Variants in SLC11A2 observed in about 807,000 individuals in gnomAD.
SLC11A2 encodes natural resistance-associated macrophage protein 2.
Under a neutral mutation model 68.0 loss-of-function variants are expected in SLC11A2, and 38 were observed. The ratio of observed to expected loss-of-function variants is 0.56; its 90% confidence interval spans 0.43 to 0.73. SLC11A2 has a LOEUF of 0.73. Among genes scored for constraint, SLC11A2 ranks in the 30% least tolerant of loss-of-function variants. The pLI is 0.00. For synonymous variants in SLC11A2, 242 were observed against 250.6 expected (o/e 0.97, Z 0.32); for missense variants, 517 against 690.5 (o/e 0.75, Z 2.82).
chr12:51,028,192 G>C (rs1488233609), upstream of SLC11A2: 1 of 1,535,238 alleles, frequency 6.5e-7, no homozygotes, highest in African/African-American at 1.4e-5. Flanking sequence ...TCACAGTGTG[G>C]AGCTGCCTCC....
chr12:51,025,824 A>G, intron 1 of SLC11A2: 1 of 986,422 alleles, frequency 1.0e-6, no homozygotes, highest in Non-Finnish European at 1.2e-6. Context: ...CGCTCCCTGA[A>G]GTCGGTTAGG....
chr12:51,015,555 T>C (rs1450629420), intron 1 of SLC11A2, among the ~76,000 whole-genome samples: 1 of 150,976 alleles, frequency 6.6e-6, no homozygotes, highest in African/African-American at 2.4e-5. Context: ...ATGCACAGCA[T>C]TCAAGTCTCC....
rs1366487834 is a variant in SLC11A2 at position 50,986,798 on chromosome 12, A to T, written c.*1527T>A. 1 of 1,287,098 alleles carries T rather than the reference A, an allele frequency of 7.8e-7. No individual in the cohort carries two copies. The highest frequency in any genetic ancestry group is 1.0e-6 in the Non-Finnish European group (1 of 988,690). The allele number at this position is 1,287,098 out of a possible 1,614,324, so 79.7% of individuals were successfully genotyped here. A position where few individuals can be genotyped will look rare whatever the true frequency, so the allele number is the denominator to read the frequency against. ...AAATGTATGGTCAGTGAAACACAGT[A>T]GTGTACCCTTAAATGCCTTATAAAA... On this transcript the variant is annotated 3_prime_UTR_variant, in exon 16 of 16. Coordinates refer to ENST00000262052, the MANE Select transcript of SLC11A2 (RefSeq NM_000617.3).
chr12:51,023,649 T>C (rs1223348133), intron 1 of SLC11A2, among the ~76,000 whole-genome samples: 1 of 152,150 alleles, frequency 6.6e-6, no homozygotes, highest in African/African-American at 2.4e-5. Context: ...CACTCAGTTC[T>C]TTAAAGGTGT....
chr12:50,992,697 A>G, intron 12 of SLC11A2, 113 bp downstream of exon 12: 1 of 1,160,314 alleles, frequency 8.6e-7, no homozygotes, highest in Non-Finnish European at 1.3e-6. Flanking sequence ...ATGCCATTAC[A>G]CTCCAACTTG....
upstream of SLC11A2, chr12:51,028,176 C>T: frequency 2.6e-6 from 4 of 1,532,284 alleles, no homozygotes; most frequent in South Asian, 4.8e-5. Flanking sequence ...GGGCTACTTA[C>T]TTAGTTCACA....
Position 50,988,467 on chromosome 12 carries a change from G to T in SLC11A2, c.1576-32C>A, listed in dbSNP as rs1383545777. ...GACAAAATATGGTCATCACTCACCA[G>T]GCTCTTTGAAGAGCCATGACTGCTC... On this transcript the variant is annotated intron_variant, in intron 15 of 15. Coordinates refer to ENST00000262052, the MANE Select transcript of SLC11A2 (RefSeq NM_000617.3). 18 of 1,613,316 alleles carry T rather than the reference G, an allele frequency of 1.1e-5. 1 individual carries two copies. The highest frequency in any genetic ancestry group is 1.5e-5 in the Non-Finnish European group (18 of 1,179,662).
chr12:50,992,801 A>G lies in SLC11A2; in HGVS notation c.1197+9T>C, dbSNP rs762474862. 10 of 1,613,360 alleles carry G rather than the reference A, an allele frequency of 6.2e-6. No homozygotes were observed. The highest frequency in any genetic ancestry group is 7.6e-6 in the Non-Finnish European group (9 of 1,179,752). The stretch of plus-strand genomic sequence containing the variant: ...GTGTTATCTCCCTCTATCCTATACC[A>G]GCACGTACCTCCATGACAAACTGGC... On this transcript the variant is annotated intron_variant, in intron 12 of 15. Coordinates refer to ENST00000262052, the MANE Select transcript of SLC11A2 (RefSeq NM_000617.3).
rs1180752705 is a variant in SLC11A2, at chr12:51,008,617, A to C, written c.42T>G (p.Val14=). Reference sequence around the variant, plus strand: ...TGGCAGACTCCCCATGATCTCCAGAAACACTGTCTGAATTAACAGATTTGA... The same window carrying C: ...TGGCAGACTCCCCATGATCTCCAGACACACTGTCTGAATTAACAGATTTGA... ...GPEQKMSDDS[V]SGDHGESASL... The change falls in exon 3 of 16, where the codon GTT becomes GTG. Residue 14 remains valine (V), a synonymous_variant. Coordinates refer to ENST00000262052, the MANE Select transcript of SLC11A2 (RefSeq NM_000617.3). 6.2e-7 allele frequency: 1 copy of C among 1,611,928 alleles called. No individual in the cohort carries two copies. Among genetic ancestry groups the C allele is most frequent in the Non-Finnish European group, 8.5e-7 (1 of 1,178,026 alleles).
rs1388775569 is a variant in SLC11A2, at chr12:51,004,087, A to G, written c.429+701T>C. ...TTTTGATATAGGCATAAAATGTGTA[A>G]TAATCACATCAGAGTAAATGGGGAT... On this transcript the variant is annotated intron_variant, in intron 5 of 15. Transcript: ENST00000262052. Among the ~76,000 whole-genome samples, 4 of 152,250 alleles carry G rather than the reference A, an allele frequency of 2.6e-5. No homozygotes were observed. The East Asian group carries it at 7.7e-4, about 29-fold the overall frequency.
intron 5 of SLC11A2, among the ~76,000 whole-genome samples, chr12:51,002,052 C>CA (rs1357586986): frequency 1.3e-5 from 2 of 152,128 alleles, no homozygotes; most frequent in East Asian, 1.9e-4. Flanking sequence ...AGCTAGCATC[C>CA]AAAAAATTTG....
intron 15 of SLC11A2, among the ~76,000 whole-genome samples, chr12:50,989,172 C>G (rs968201230): frequency 1.2e-4 from 18 of 152,138 alleles, no homozygotes; most frequent in Non-Finnish European, 2.4e-4. Context: ...GTAACCCACT[C>G]TAGAATCAGC....
At chr12:51,023,899 G>A (rs1234448293) in intron 1 of SLC11A2, among the ~76,000 whole-genome samples, 1 of 152,050 alleles carries the variant, frequency 6.6e-6, no homozygotes, top group African/African-American at 2.4e-5. Flanking sequence ...GCTGTGGCAG[G>A]AGAATCACTT....
At chr12:51,004,129 T>A (rs1485227889) in intron 5 of SLC11A2, among the ~76,000 whole-genome samples, 1 of 152,190 alleles carries the variant, frequency 6.6e-6, no homozygotes, top group Non-Finnish European at 1.5e-5. Context: ...AAGATTTTTT[T>A]ATTTTTTTGA....
the SLC11A2 span, among the ~76,000 whole-genome samples, chr12:50,953,581 A>G: frequency 6.6e-6 from 1 of 152,206 alleles, no homozygotes; most frequent in African/African-American, 2.4e-5. Context: ...ATCTGGAAGT[A>G]TTTTTGCCTA....
chr12:50,988,845 C>A (rs959122337), intron 15 of SLC11A2, among the ~76,000 whole-genome samples: 3 of 151,898 alleles, frequency 2.0e-5, no homozygotes, highest in Admixed American at 2.0e-4. Context: ...CCTGAGTTGC[C>A]AGGATTACAG....
chr12:50,999,145 G>T, intron 8 of SLC11A2, 29 bp downstream of exon 8: 1 of 1,509,204 alleles, frequency 6.6e-7, no homozygotes, highest in Non-Finnish European at 9.1e-7. Flanking sequence ...CTTATTTTAA[G>T]AAGCTAATGA....
chr12:50,996,876 C>G lies in SLC11A2; in HGVS notation c.772G>C (p.Gly258Arg). ...CRTPQIEQAV[G>R]IVGAVIMPHN... ...GGCATGATGACAGCTCCCACGATGCCCACAGCCTGTTCAATCTGTGGAGTG... is the reference window on the plus strand; with the variant it reads ...GGCATGATGACAGCTCCCACGATGCGCACAGCCTGTTCAATCTGTGGAGTG... Residue 258 changes from glycine (G) to arginine (R), a missense_variant, in exon 9 of 16, where the codon GGC becomes CGC. Gly to Arg is a moderately radical substitution (Grantham distance 125). Coordinates refer to ENST00000262052, the MANE Select transcript of SLC11A2 (RefSeq NM_000617.3). The G allele has an allele frequency of 1.2e-6, 2 of 1,614,014 alleles. No individual in the cohort carries two copies. Among genetic ancestry groups the G allele is most frequent in the Non-Finnish European group, 1.7e-6 (2 of 1,179,992 alleles).
At chr12:50,960,591 C>T in the SLC11A2 span, among the ~76,000 whole-genome samples, 1 of 152,140 alleles carries the variant, frequency 6.6e-6, no homozygotes, top group Non-Finnish European at 1.5e-5. Context: ...TGGAGTCTTT[C>T]CTGCTTATCT....
Sources: gnomAD v4.1 joint callset for allele counts (sites outside exome capture counted in the v4.1 genomes callset) on GRCh38, gnomAD v4.1.1 for gene constraint, MANE v1.5 for transcripts, NCBI Gene and HGNC (gene_info 2026-07-23, HGNC 2026-07-21) for gene names.